Variants in UBE2R2 observed in about 807,000 individuals in gnomAD.
The protein encoded by UBE2R2 is ubiquitin-conjugating enzyme E2 R2.
A neutral mutation model predicts 27.8 loss-of-function variants in UBE2R2; 1 was observed. The observed-to-expected ratio is 0.04, with a 90% CI of 0.01 to 0.17. UBE2R2 has a LOEUF of 0.17. Among genes scored for constraint, UBE2R2 ranks in the 10% least tolerant of loss-of-function variants. The probability of loss-of-function intolerance (pLI) is 1.00; values close to 1 mark genes in which losing one functional copy is unlikely to be tolerated. For synonymous variants in UBE2R2, 106 were observed against 113.3 expected (o/e 0.94, Z 0.41); for missense variants, 100 against 291.0 (o/e 0.34, Z 4.78).
At position 33,817,787 on chromosome 9, in the gene UBE2R2, G is replaced by A. The variant is rs1313934825; in HGVS notation, c.30G>A (p.Gln10=). 1.9e-6 allele frequency: 3 copies of A among 1,605,204 alleles called. No homozygotes were observed. Among genetic ancestry groups the A allele is most frequent in the Non-Finnish European group, 2.6e-6 (3 of 1,176,146 alleles). Reference sequence around the variant, plus strand: ...CCCAGCAGCAGATGACCAGCTCGCAGAAGGCCCTGATGCTCGAGCTGAAAT... The same window carrying A: ...CCCAGCAGCAGATGACCAGCTCGCAAAAGGCCCTGATGCTCGAGCTGAAAT... The part of the protein sequence containing the change: MAQQQMTSS[Q]KALMLELKSL... The change falls in exon 1 of 5, where the codon CAG becomes CAA. Residue 10 remains glutamine (Q), a synonymous_variant. Coordinates refer to ENST00000263228, the MANE Select transcript of UBE2R2 (RefSeq NM_017811.4).
chr9:33,847,420 ATGCTATTATTGC>A (rs1305149040), intron 1 of UBE2R2, among the ~76,000 whole-genome samples: 2 of 152,058 alleles, frequency 1.3e-5, no homozygotes, highest in Non-Finnish European at 2.9e-5. Flanking sequence ...TCTTTTAGTA[ATGCTATTATTGC>A]TGCATTTAAA....
chr9:33,873,180 A>C (rs1821525312), intron 1 of UBE2R2, among the ~76,000 whole-genome samples: 1 of 151,382 alleles, frequency 6.6e-6, no homozygotes, highest in Non-Finnish European at 1.5e-5. Flanking sequence ...GTCTTAAAAA[A>C]AAAAAAAAAA....
At chr9:33,911,427 A>AAC (rs1564007148) in intron 3 of UBE2R2, among the ~76,000 whole-genome samples, 1 of 148,174 alleles carries the variant, frequency 6.7e-6, no homozygotes, top group African/African-American at 2.5e-5. Context: ...AAAAAAAAAA[A>AAC]AAAAAAAACC....
intron 2 of UBE2R2, among the ~76,000 whole-genome samples, chr9:33,892,908 T>C (rs1822020174): frequency 6.7e-6 from 1 of 149,944 alleles, no homozygotes; most frequent in Non-Finnish European, 1.5e-5. Flanking sequence ...ATAACTTCCT[T>C]ATTAAAAAAA....
intron 1 of UBE2R2, among the ~76,000 whole-genome samples, chr9:33,883,482 G>A (rs1023768077): frequency 1.1e-4 from 16 of 152,064 alleles, no homozygotes; most frequent in African/African-American, 3.9e-4. Context: ...TTGGGAGGCC[G>A]AGGCAGGCAG....
intron 4 of UBE2R2, among the ~76,000 whole-genome samples, chr9:33,914,560 T>G (rs2130824306): frequency 6.6e-6 from 1 of 152,242 alleles, no homozygotes; most frequent in Non-Finnish European, 1.5e-5. Flanking sequence ...GGCTGCCTGG[T>G]GTGGTAGCTC....
chr9:33,885,185 A>C (rs1821830801), intron 1 of UBE2R2, among the ~76,000 whole-genome samples: 2 of 152,318 alleles, frequency 1.3e-5, no homozygotes, highest in South Asian at 4.1e-4. Flanking sequence ...AGAGGTATAA[A>C]GTTAGGGCCT....
At position 33,859,967 on chromosome 9, in the gene UBE2R2, C is replaced by T. The variant is rs759254366; in HGVS notation, c.178-26914C>T. 1.8e-3 allele frequency among the ~76,000 whole-genome samples: 277 copies of T among 151,980 alleles called. 2 individuals carry two copies. The highest frequency in any genetic ancestry group is 1.2e-3 in the Non-Finnish European group (85 of 68,012). Reference sequence around the variant, plus strand: ...GACCACAGGCATGAACCACCATGTCCAGCTAATTTTTAAAATTTTTATAAA... The same window carrying T: ...GACCACAGGCATGAACCACCATGTCTAGCTAATTTTTAAAATTTTTATAAA... On this transcript the variant is annotated intron_variant, in intron 1 of 4. Transcript: ENST00000263228.
chr9:33,840,061 A>G (rs543008143), intron 1 of UBE2R2, among the ~76,000 whole-genome samples: 18 of 152,308 alleles, frequency 1.2e-4, no homozygotes, highest in African/African-American at 4.1e-4. Context: ...AGCAGCTTGA[A>G]TGAACTAAGT....
intron 3 of UBE2R2, among the ~76,000 whole-genome samples, chr9:33,901,646 T>C: frequency 6.6e-6 from 1 of 152,208 alleles, no homozygotes. Flanking sequence ...AGTGAAGAAT[T>C]GGAAGCTTCC....
Position 33,917,545 on chromosome 9 carries a change from C to T in UBE2R2, c.*308C>T, listed in dbSNP as rs1400866807. 5 of 511,864 alleles carry T rather than the reference C, an allele frequency of 9.8e-6. No homozygotes were observed. The highest frequency in any genetic ancestry group is 1.7e-5 in the Non-Finnish European group (5 of 293,974). The allele number at this position is 511,864 out of a possible 1,614,324, so 31.7% of individuals were successfully genotyped here. On this transcript the variant is annotated 3_prime_UTR_variant, in exon 5 of 5. Transcript: ENST00000263228. The stretch of plus-strand genomic sequence containing the variant: ...TCACTTCGTCTCTACAGAATGTTCA[C>T]AGCAAAACACGTTTGGTCTGTTTTT...
intron 1 of UBE2R2, among the ~76,000 whole-genome samples, chr9:33,859,546 A>G (rs996169869): frequency 6.6e-6 from 1 of 152,160 alleles, no homozygotes; most frequent in African/African-American, 2.4e-5. Flanking sequence ...ATTTTTCATT[A>G]CATCTTTATT....
At chr9:33,870,349 G>T (rs908229368) in intron 1 of UBE2R2, among the ~76,000 whole-genome samples, 2 of 152,106 alleles carry the variant, frequency 1.3e-5, no homozygotes, top group Middle Eastern at 3.2e-3. Flanking sequence ...CACCAAGTTG[G>T]CCAGGCTGGT....
Position 33,817,491 on chromosome 9 carries a change from G to C in UBE2R2, c.-267G>C, listed in dbSNP as rs1315913006. ...GGGAGGCCCGGGACCGGGACCCGTA[G>C]CGAATTCTCCTAACTCCCTCGACCT... On this transcript the variant is annotated 5_prime_UTR_variant, in exon 1 of 5. Coordinates refer to ENST00000263228, the MANE Select transcript of UBE2R2 (RefSeq NM_017811.4). 3 of 179,042 alleles carry C rather than the reference G, an allele frequency of 1.7e-5. No individual in the cohort carries two copies. Among genetic ancestry groups the C allele is most frequent in the African/African-American group, 7.1e-5 (3 of 41,990 alleles). 11.1% of individuals were successfully genotyped at this position (179,042 alleles called of 1,614,324 possible).
chr9:33,828,737 GT>G (rs111302398), intron 1 of UBE2R2, among the ~76,000 whole-genome samples: 75,010 of 145,814 alleles, frequency 0.51, 19,218 homozygotes, highest in East Asian at 0.72. Context: ...AATTTTTGTA[GT>G]TTTTTTTTTT....
At chr9:33,870,555 G>C (rs1431063138) in intron 1 of UBE2R2, among the ~76,000 whole-genome samples, 1 of 152,136 alleles carries the variant, frequency 6.6e-6, no homozygotes, top group Non-Finnish European at 1.5e-5. Context: ...GTATGAGAAC[G>C]AGTGAGTAGA....
At position 33,817,284 on chromosome 9, in the gene UBE2R2, C is replaced by T. The variant is rs1428503494; in HGVS notation, c.-474C>T. On this transcript the variant is annotated 5_prime_UTR_variant, in exon 1 of 5. Coordinates refer to ENST00000263228, the MANE Select transcript of UBE2R2 (RefSeq NM_017811.4). ...GAGACCCCCGCACGCCGCTCTCCCC[C>T]CACCCTCTCCTGCCCCGCGCGCCCT... Among the ~76,000 whole-genome samples the T allele has an allele frequency of 6.7e-6, 1 of 149,964 alleles. No individual in the cohort carries two copies. The highest frequency in any genetic ancestry group is 6.6e-5 in the Admixed American group (1 of 15,178).
intron 2 of UBE2R2, among the ~76,000 whole-genome samples, chr9:33,894,658 G>A (rs1564002523): frequency 6.6e-6 from 1 of 152,160 alleles, no homozygotes; most frequent in Non-Finnish European, 1.5e-5. Context: ...AGCAGTTTGT[G>A]TGGCCAAGGT....
intron 1 of UBE2R2, among the ~76,000 whole-genome samples, chr9:33,863,188 CAAA>C (rs544206798): frequency 3.8e-5 from 4 of 106,002 alleles, no homozygotes; most frequent in African/African-American, 6.9e-5. Flanking sequence ...GAGACTCCCT[CAAA>C]AAAAAAAAAA....
Sources: allele counts gnomAD v4.1 joint callset (sites outside exome capture counted in the v4.1 genomes callset), GRCh38; gene constraint gnomAD v4.1.1; transcripts MANE v1.5; gene names NCBI Gene and HGNC (gene_info 2026-07-23, HGNC 2026-07-21).